ADGRL3: variants seen among roughly 807,000 people sequenced by gnomAD.
The protein encoded by ADGRL3 is calcium-independent alpha-latrotoxin receptor 3.
ADGRL3 carries 62 observed loss-of-function variants against 153.5 expected under a neutral mutation model. The observed-to-expected ratio is 0.40, with a 90% CI of 0.33 to 0.50. The LOEUF (loss-of-function observed/expected upper bound fraction) is 0.50. Among genes scored for constraint, ADGRL3 ranks in the 20% least tolerant of loss-of-function variants. The pLI, the probability that ADGRL3 is intolerant of heterozygous loss-of-function variation, is 0.47. For synonymous variants in ADGRL3, 710 were observed against 672.5 expected, an observed-to-expected ratio of 1.06 and a Z score of -0.86; for missense variants, 1,641 against 1,859.4, an observed-to-expected ratio of 0.88 and a Z score of 2.16.
chr4:61,310,250 T>G (rs2150509736), intron 1 of ADGRL3, among the ~76,000 whole-genome samples: 1 of 151,960 alleles, frequency 6.6e-6, no homozygotes, highest in South Asian at 2.1e-4. Flanking sequence ...ATGGGCCAGG[T>G]TTCATTCTGA....
chr4:61,758,735 G>A lies in ADGRL3; in HGVS notation c.1399+25181G>A, dbSNP rs1315125210. On this transcript the variant is annotated intron_variant, in intron 8 of 26. Transcript: ENST00000683033. ...GATCTTGTCATTATGATGTTAGCTG[G>A]TGATTTTGCTCATTAGTTGATGCAG... Among the ~76,000 whole-genome samples, 3 of 152,240 alleles carry A rather than the reference G, an allele frequency of 2.0e-5. No individual in the cohort carries two copies. In the East Asian group the frequency reaches 5.8e-4, roughly 29 times the overall value.
rs564762751 is a variant in ADGRL3, at chr4:62,077,404, T to C, written c.*6496T>C. ...TTCTTGCTACATTGGCAAGGAAATA[T>C]GTTTAAAGCCGAGAACTAAAATAGC... On this transcript the variant is annotated 3_prime_UTR_variant, in exon 27 of 27. Transcript: ENST00000683033. 10 of 152,120 alleles carry C rather than the reference T, an allele frequency of 6.6e-5. No individual in the cohort carries two copies. The South Asian group carries it at 2.1e-3, about 31-fold the overall frequency. The allele number at this position is 152,120 out of a possible 1,614,324, so 9.4% of individuals were successfully genotyped here.
Position 61,245,480 on chromosome 4 carries a change from C to T in ADGRL3, c.-240+43715C>T, listed in dbSNP as rs62312901. ...GTCCATCGTCCTCATGTCTTGGCCC[C>T]AGCAGAGTTAGTTTCTTTCTTTCGT... On this transcript the variant is annotated intron_variant, in intron 1 of 26. Coordinates refer to ENST00000683033, the MANE Select transcript of ADGRL3 (RefSeq NM_001387552.1). 2.3e-3 allele frequency among the ~76,000 whole-genome samples: 343 copies of T among 152,144 alleles called. 2 individuals carry two copies. Among genetic ancestry groups the T allele is most frequent in the African/African-American group, 7.8e-3 (323 of 41,538 alleles).
chr4:61,531,854 A>G (rs2098618865), intron 4 of ADGRL3, among the ~76,000 whole-genome samples: 1 of 152,174 alleles, frequency 6.6e-6, no homozygotes. Flanking sequence ...TTTATCATCC[A>G]GTATAATTTT....
intron 4 of ADGRL3, among the ~76,000 whole-genome samples, chr4:61,578,616 G>A (rs2149249589): frequency 6.6e-6 from 1 of 151,934 alleles, no homozygotes; most frequent in Admixed American, 6.6e-5. Flanking sequence ...TTTTACTACT[G>A]TTCACTTCTG....
chr4:61,393,341 A>T (rs956358898), intron 2 of ADGRL3, among the ~76,000 whole-genome samples: 1 of 152,208 alleles, frequency 6.6e-6, no homozygotes, highest in Non-Finnish European at 1.5e-5. Flanking sequence ...TGCCTGACAG[A>T]AATCCACTAA....
At chr4:61,748,818 A>G (rs1034362278) in intron 8 of ADGRL3, among the ~76,000 whole-genome samples, 2 of 152,048 alleles carry the variant, frequency 1.3e-5, no homozygotes, top group African/African-American at 4.8e-5. Context: ...TTCATGTCTA[A>G]AACACCAAAA....
chr4:61,383,552 T>C (rs577653622), intron 2 of ADGRL3, among the ~76,000 whole-genome samples: 1 of 151,786 alleles, frequency 6.6e-6, no homozygotes, highest in Non-Finnish European at 1.5e-5. Context: ...TAATGTAGAA[T>C]AACCATATTG....
chr4:61,475,407 GT>G (rs1285826286), intron 2 of ADGRL3, among the ~76,000 whole-genome samples: 1 of 152,044 alleles, frequency 6.6e-6, no homozygotes, highest in East Asian at 1.9e-4. Context: ...GATTTATGGG[GT>G]TTTTTTCCTG....
chr4:61,251,797 T>G (rs1267321390), intron 1 of ADGRL3, among the ~76,000 whole-genome samples: 3 of 151,602 alleles, frequency 2.0e-5, no homozygotes, highest in Non-Finnish European at 4.4e-5. Flanking sequence ...TTTTTTTCAG[T>G]TTAAAAGTCA....
chr4:61,242,091 T>A (rs2149334297), intron 1 of ADGRL3, among the ~76,000 whole-genome samples: 1 of 152,200 alleles, frequency 6.6e-6, no homozygotes, highest in South Asian at 2.1e-4. Flanking sequence ...GGTTCTTTCC[T>A]GATTGAGAAT....
intron 1 of ADGRL3, among the ~76,000 whole-genome samples, chr4:61,279,575 C>T (rs2093632123): frequency 1.3e-5 from 2 of 152,118 alleles, no homozygotes; most frequent in Non-Finnish European, 1.5e-5. Flanking sequence ...GGACTTTATG[C>T]TATCTAAGGC....
intron 9 of ADGRL3, among the ~76,000 whole-genome samples, chr4:61,828,235 G>A (rs1183209120): frequency 1.3e-5 from 2 of 152,104 alleles, no homozygotes; most frequent in Non-Finnish European, 2.9e-5. Flanking sequence ...GTTCATTTAA[G>A]AGGGAACCCT....
chr4:61,762,605 C>T (rs999656444), intron 8 of ADGRL3, among the ~76,000 whole-genome samples: 6 of 151,916 alleles, frequency 3.9e-5, no homozygotes, highest in Non-Finnish European at 7.4e-5. Flanking sequence ...AGGCAAATAC[C>T]GTAAGTTAAA....
intron 13 of ADGRL3, among the ~76,000 whole-genome samples, chr4:61,929,819 T>C (rs1421341268): frequency 6.6e-6 from 1 of 152,112 alleles, no homozygotes; most frequent in African/African-American, 2.4e-5. Flanking sequence ...GTGCTAATAA[T>C]GGAAGACCTC....
At chr4:61,787,686 C>A (rs997147488) in intron 8 of ADGRL3, among the ~76,000 whole-genome samples, 6 of 151,840 alleles carry the variant, frequency 4.0e-5, no homozygotes, top group African/African-American at 7.3e-5. Context: ...GAATACCCAG[C>A]CTTATTTCCA....
At chr4:61,501,654 T>G (rs762736993) in intron 3 of ADGRL3, among the ~76,000 whole-genome samples, 1 of 152,174 alleles carries the variant, frequency 6.6e-6, no homozygotes, top group Non-Finnish European at 1.5e-5. Flanking sequence ...TTTTAATTGG[T>G]TATATATAAT....
At chr4:61,740,568 CA>C (rs746451211) in intron 8 of ADGRL3, among the ~76,000 whole-genome samples, 34 of 152,306 alleles carry the variant, frequency 2.2e-4, no homozygotes, top group Non-Finnish European at 3.8e-4. Flanking sequence ...AGCTGTCCAT[CA>C]AACATTCTAA....
At chr4:61,495,365 T>G (rs2152801700) in intron 2 of ADGRL3, among the ~76,000 whole-genome samples, 1 of 152,066 alleles carries the variant, frequency 6.6e-6, no homozygotes, top group Admixed American at 6.5e-5. Flanking sequence ...TTTTAAAATT[T>G]AATTCTAAAA....
Sources: allele counts gnomAD v4.1 joint callset (sites outside exome capture counted in the v4.1 genomes callset), GRCh38; gene constraint gnomAD v4.1.1; transcripts MANE v1.5; gene names NCBI Gene and HGNC (gene_info 2026-07-23, HGNC 2026-07-21).